DMAC2L: variants seen among roughly 807,000 people sequenced by gnomAD.
DMAC2L encodes distal membrane arm assembly component 2 like.
A neutral mutation model predicts 22.5 loss-of-function variants in DMAC2L; 21 were observed. That is an observed-to-expected ratio of 0.93 (90% CI 0.66 to 1.34). The LOEUF is 1.34. DMAC2L is among the 40% of genes most tolerant of loss of function. DMAC2L has a pLI of 0.00. For missense variants in DMAC2L, 239 were observed against 246.5 expected (o/e 0.97, Z 0.20); for synonymous variants, 86 against 89.5 (o/e 0.96, Z 0.22).
At chr14:50,323,014 A>T in intron 4 of DMAC2L, 1 of 1,302,602 alleles carries the variant, frequency 7.7e-7, no homozygotes, top group Non-Finnish European at 9.8e-7. Flanking sequence ...TCTGTCATTG[A>T]GAAGCCCTCA....
At position 50,327,847 on chromosome 14, in the gene DMAC2L, A is replaced by G. The variant is rs1306928664; in HGVS notation, c.*2124A>G. 6.6e-6 allele frequency: 1 copy of G among 152,190 alleles called. No homozygotes were observed. The allele number at this position is 152,190 out of a possible 1,614,324, so 9.4% of individuals were successfully genotyped here. A position where few individuals can be genotyped will look rare whatever the true frequency, so the allele number is the denominator to read the frequency against. ...AAAATGAATTTTCGTTGTGTTTAAC[A>G]ATGTTGTGTTTAACAGCTTATACAA... On this transcript the variant is annotated 3_prime_UTR_variant, in exon 6 of 6. Coordinates refer to ENST00000557421, the MANE Select transcript of DMAC2L (RefSeq NM_001382507.1).
At chr14:50,318,758 C>T (rs1292388222) in intron 2 of DMAC2L, among the ~76,000 whole-genome samples, 1 of 152,120 alleles carries the variant, frequency 6.6e-6, no homozygotes, top group Non-Finnish European at 1.5e-5. Flanking sequence ...TTTCAAAAGA[C>T]ACCTCTAGTG....
At chr14:50,324,369 C>A in intron 5 of DMAC2L, 1 of 231,920 alleles carries the variant, frequency 4.3e-6, no homozygotes, top group Non-Finnish European at 8.3e-6. Flanking sequence ...TGGTGCCTGC[C>A]ACAGTAAGCC....
intron 1 of DMAC2L, 161 bp downstream of exon 1, chr14:50,312,550 T>C (rs1785854556): frequency 3.3e-6 from 1 of 306,330 alleles, no homozygotes; most frequent in Non-Finnish European, 6.1e-6. Context: ...GGAGAAACTC[T>C]GGGCGGGATT....
intron 4 of DMAC2L, chr14:50,323,137 G>A: frequency 1.6e-6 from 1 of 639,362 alleles, no homozygotes; most frequent in Non-Finnish European, 1.9e-6. Flanking sequence ...CTAGGCTGGA[G>A]TGCAGTGGCG....
intron 5 of DMAC2L, 92 bp from the exon 6 acceptor site, chr14:50,325,517 T>A: frequency 7.1e-7 from 1 of 1,412,874 alleles, no homozygotes; most frequent in Non-Finnish European, 9.6e-7. Context: ...ATAGATTCAT[T>A]TTCTACATAA....
chr14:50,322,560 G>A lies in DMAC2L; in HGVS notation c.157G>A (p.Glu53Lys), dbSNP rs536265213. The A allele has an allele frequency of 3.1e-5, 50 of 1,613,942 alleles. No homozygotes were observed. The East Asian group carries it at 4.5e-4, about 14-fold the overall frequency. Residue 53 changes from glutamate to lysine, a missense_variant, in exon 4 of 6, where the codon GAG (glutamate) becomes AAG (lysine). By Grantham distance (56) the Glu-to-Lys change is moderately conservative. Transcript: ENST00000557421. ...TGTTGGCCCTGACAGGGCGGCATCC[G>A]AGTGGTTGCTGCGCTGTGGGGCCAT... Reference protein sequence around the residue: ...RDVGPDRAASEWLLRCGAMVR... With the variant: ...RDVGPDRAASKWLLRCGAMVR...
At chr14:50,322,013 AAACT>A (rs1335203956) in intron 3 of DMAC2L, among the ~76,000 whole-genome samples, 2 of 152,244 alleles carry the variant, frequency 1.3e-5, no homozygotes, top group African/African-American at 2.4e-5. Flanking sequence ...TTGAAACTTG[AAACT>A]AACCTTCTAA....
chr14:50,312,039 A>T (rs1248154757), upstream of DMAC2L: 5 of 1,582,634 alleles, frequency 3.2e-6, no homozygotes, highest in African/African-American at 6.7e-5. Context: ...CTACCTCCAC[A>T]CAGCGGTCTT....
Position 50,324,018 on chromosome 14 carries a change from T to TGA in DMAC2L, c.390_391insGA (p.Ser131GlufsTer16). On this transcript the variant is annotated frameshift_variant, in exon 5 of 6. Coordinates refer to ENST00000557421, the MANE Select transcript of DMAC2L (RefSeq NM_001382507.1). LOFTEE classifies it high-confidence loss of function. ...TCGAGGATGACTGTTTGCTGAGACT[T>TGA]AGTCAACTTGAAAATTTACAAAAAA... 1.2e-6 allele frequency: 2 copies of TGA among 1,614,162 alleles called. No homozygotes were observed. Among genetic ancestry groups the TGA allele is most frequent in the South Asian group, 2.2e-5 (2 of 91,080 alleles).
intron 5 of DMAC2L, among the ~76,000 whole-genome samples, chr14:50,325,126 T>C (rs113829410): frequency 2.0e-4 from 21 of 105,282 alleles, no homozygotes; most frequent in African/African-American, 6.6e-4. Flanking sequence ...ATTCAAATTA[T>C]GTATCTAATT....
At chr14:50,312,627 C>CTGG (rs1408674717) in intron 1 of DMAC2L, 2 of 269,886 alleles carry the variant, frequency 7.4e-6, no homozygotes, top group Admixed American at 1.0e-4. Flanking sequence ...CGGCCCCGCC[C>CTGG]CCGCCCCGCC....
chr14:50,316,608 A>G (rs1220263058), intron 2 of DMAC2L, among the ~76,000 whole-genome samples: 1 of 152,198 alleles, frequency 6.6e-6, no homozygotes. Flanking sequence ...ATTCTCCTAC[A>G]TGTGGCTTGC....
chr14:50,322,620 G>A lies in DMAC2L; in HGVS notation c.217G>A (p.Asp73Asn), dbSNP rs202137865. The A allele has an allele frequency of 1.2e-6, 2 of 1,614,038 alleles. No individual in the cohort carries two copies. Among genetic ancestry groups the A allele is most frequent in the Non-Finnish European group, 1.7e-6 (2 of 1,180,046 alleles). The change falls in exon 4 of 6, where the codon GAC becomes AAC. Residue 73 changes from aspartate (D) to asparagine (N), a missense_variant. By Grantham distance (23) the Asp-to-Asn change is conservative. Transcript: ENST00000557421. Reference sequence around the variant, plus strand: ...CCATGGCCAGGAGAGGTGGCAGAAGGACTACAACCACCTTCCAACAGGCCC... The same window carrying A: ...CCATGGCCAGGAGAGGTGGCAGAAGAACTACAACCACCTTCCAACAGGCCC... ...RYHGQERWQKDYNHLPTGPLD... is the reference protein window; with the variant it reads ...RYHGQERWQKNYNHLPTGPLD...
At chr14:50,321,730 C>T in intron 3 of DMAC2L, 136 bp downstream of exon 3, 1 of 538,594 alleles carries the variant, frequency 1.9e-6, no homozygotes, top group Non-Finnish European at 3.2e-6. Flanking sequence ...CAAACAAAAC[C>T]CACACAAACA....
rs11295551 is a variant in DMAC2L at position 50,327,334 on chromosome 14, CA to C, written c.*1627del. On this transcript the variant is annotated 3_prime_UTR_variant, in exon 6 of 6. Coordinates refer to ENST00000557421, the MANE Select transcript of DMAC2L (RefSeq NM_001382507.1). ...TGGGCAACAGATTAAGACCCTGTCTCAAAAAAAAAAAAAAAAGTGAAAAATA... is the reference window on the plus strand; with the variant it reads ...TGGGCAACAGATTAAGACCCTGTCTCAAAAAAAAAAAAAAAGTGAAAAATA... 0.58 allele frequency: 72,923 copies of C among 124,884 alleles called. 18,913 individuals carry two copies. The highest frequency in any genetic ancestry group is 0.65 in the Middle Eastern group (146 of 226). The allele number at this position is 124,884 out of a possible 1,614,324, so 7.7% of individuals were successfully genotyped here.
chr14:50,319,350 A>G, intron 2 of DMAC2L: 2 of 1,535,766 alleles, frequency 1.3e-6, no homozygotes, highest in East Asian at 2.4e-5. Context: ...CCACGGCCTC[A>G]GCATCCTCAA....
At chr14:50,318,204 A>G (rs1370302983) in intron 2 of DMAC2L, among the ~76,000 whole-genome samples, 7 of 152,028 alleles carry the variant, frequency 4.6e-5, no homozygotes, top group African/African-American at 1.7e-4. Flanking sequence ...CTAACTTCCC[A>G]CTAGAGGTCT....
At chr14:50,321,959 G>T (rs79078553) in intron 3 of DMAC2L, among the ~76,000 whole-genome samples, 2,757 of 152,076 alleles carry the variant, frequency 0.018, 110 homozygotes, top group East Asian at 0.15. Flanking sequence ...AAAGTAACTT[G>T]GGTTTTCAAA....
Sources: allele counts gnomAD v4.1 joint callset (sites outside exome capture counted in the v4.1 genomes callset), GRCh38; gene constraint gnomAD v4.1.1; transcripts MANE v1.5; gene names NCBI Gene and HGNC (gene_info 2026-07-23, HGNC 2026-07-21).